RNLS: variants seen among roughly 807,000 people sequenced by gnomAD.
RNLS encodes the protein renalase, FAD dependent amine oxidase.
A neutral mutation model predicts 39.8 loss-of-function variants in RNLS; 39 were observed. That is an observed-to-expected ratio of 0.98 (90% CI 0.76 to 1.28). The LOEUF (loss-of-function observed/expected upper bound fraction) is 1.28, where lower values mean the gene tolerates loss of function less well. Ranked by LOEUF, RNLS falls within the 50% of genes most tolerant of loss-of-function variation. RNLS has a pLI of 0.00. For missense variants in RNLS, 410 were observed against 413.3 expected, an observed-to-expected ratio of 0.99 and a Z score of 0.07; for synonymous variants, 147 against 150.7, an observed-to-expected ratio of 0.98 and a Z score of 0.18.
the RNLS span, among the ~76,000 whole-genome samples, chr10:88,175,673 C>T: frequency 2.6e-5 from 4 of 152,116 alleles, no homozygotes; most frequent in Non-Finnish European, 5.9e-5. Flanking sequence ...TATGATCTAT[C>T]CTGGAGAACA....
At chr10:88,395,484 G>A (rs932920926) in intron 4 of RNLS, among the ~76,000 whole-genome samples, 3 of 151,928 alleles carry the variant, frequency 2.0e-5, no homozygotes, top group Non-Finnish European at 2.9e-5. Context: ...AGAGGGGCTC[G>A]ATAGAAGATT....
chr10:88,507,489 A>G (rs996831029), intron 4 of RNLS, among the ~76,000 whole-genome samples: 1 of 152,126 alleles, frequency 6.6e-6, no homozygotes, highest in African/African-American at 2.4e-5. Flanking sequence ...GAGCAACTGT[A>G]CTAACCATAG....
chr10:88,519,110 C>T (rs1183633895), intron 4 of RNLS, among the ~76,000 whole-genome samples: 2 of 152,052 alleles, frequency 1.3e-5, no homozygotes, highest in Admixed American at 6.6e-5. Context: ...ATTCAGAGAT[C>T]TGGGATCCTC....
chr10:88,522,850 C>T (rs896266587), intron 4 of RNLS, among the ~76,000 whole-genome samples: 7 of 152,146 alleles, frequency 4.6e-5, no homozygotes, highest in Non-Finnish European at 1.0e-4. Flanking sequence ...AGCAGCTGTT[C>T]TGTATCACTG....
rs1589712752 is a variant in RNLS at position 88,390,457 on chromosome 10, C to T, written c.527-27732G>A. On this transcript the variant is annotated intron_variant, in intron 4 of 6. Transcript: ENST00000331772. ...AGCATCCAATCCCCCAAAGTGTCTGCAAATTATTTAGTATTATTTCAGTAC... is the reference window on the plus strand; with the variant it reads ...AGCATCCAATCCCCCAAAGTGTCTGTAAATTATTTAGTATTATTTCAGTAC... Among the ~76,000 whole-genome samples the T allele has an allele frequency of 2.0e-5, 3 of 152,188 alleles. No homozygotes were observed. In the East Asian group the frequency reaches 5.8e-4, roughly 29 times the overall value.
At chr10:88,191,045 T>TC in the RNLS span, among the ~76,000 whole-genome samples, 4 of 152,214 alleles carry the variant, frequency 2.6e-5, no homozygotes, top group African/African-American at 9.6e-5. Context: ...CTCTATGGGC[T>TC]CCTCTGCTTA....
At chr10:88,432,271 C>CT (rs1322567841) in intron 4 of RNLS, among the ~76,000 whole-genome samples, 17 of 151,810 alleles carry the variant, frequency 1.1e-4, no homozygotes, top group African/African-American at 4.1e-4. Flanking sequence ...GTTTATATAG[C>CT]CACTTCAGCT....
chr10:88,526,269 A>G (rs1414345526), intron 4 of RNLS, among the ~76,000 whole-genome samples: 1 of 151,518 alleles, frequency 6.6e-6, no homozygotes, highest in African/African-American at 2.4e-5. Context: ...TACTAGATGA[A>G]TTTATGCAAA....
chr10:88,445,367 C>A (rs7907866), intron 4 of RNLS, among the ~76,000 whole-genome samples: 1 of 151,976 alleles, frequency 6.6e-6, no homozygotes, highest in Non-Finnish European at 1.5e-5. Flanking sequence ...CAAAAACATG[C>A]CAAATTGTAA....
At chr10:88,513,699 C>T (rs1846267649) in intron 4 of RNLS, among the ~76,000 whole-genome samples, 1 of 152,090 alleles carries the variant, frequency 6.6e-6, no homozygotes, top group African/African-American at 2.4e-5. Flanking sequence ...CACCTTTTCA[C>T]ACATGTATGC....
Position 88,285,477 on chromosome 10 carries a change from G to A in RNLS, c.906C>T (p.Gly302=). 6.2e-7 allele frequency: 1 copy of A among 1,613,076 alleles called. No individual in the cohort carries two copies. Among genetic ancestry groups the A allele is most frequent in the Non-Finnish European group, 8.5e-7 (1 of 1,179,370 alleles). ...QVTNAAANCP[G]QMTLHHKPFL... is the part of the protein sequence containing the mutation. ...AAGGTTTGTGATGCAGAGTCATTTGGCCAGGACAGTTGGCAGCAGCATTTG... is the reference window on the plus strand; with the variant it reads ...AAGGTTTGTGATGCAGAGTCATTTGACCAGGACAGTTGGCAGCAGCATTTG... The change falls in exon 7 of 7, where the codon GGC becomes GGT. Residue 302 remains glycine (G), a synonymous_variant. Coordinates refer to ENST00000331772, the MANE Select transcript of RNLS (RefSeq NM_001031709.3).
intron 2 of RNLS, 102 bp from the exon 3 acceptor site, chr10:88,581,811 T>G: frequency 2.7e-6 from 2 of 736,586 alleles, no homozygotes; most frequent in Non-Finnish European, 4.0e-6. Flanking sequence ...TAATTCAAAA[T>G]CAAAATTAGA....
At chr10:88,572,805 CTATCACTTGTCCTTTGCGAAGAGAGT>C (rs1849921050) in intron 4 of RNLS, 72 bp downstream of exon 4, 4 of 1,245,266 alleles carry the variant, frequency 3.2e-6, no homozygotes, top group Non-Finnish European at 4.5e-6. Flanking sequence ...TCAATAGAGT[CTATCACTTGTCCTTTGCGAAGAGAGT>C]TAAACCAAAT....
At chr10:88,582,820 G>A (rs1048869664) in intron 1 of RNLS, among the ~76,000 whole-genome samples, 1 of 152,208 alleles carries the variant, frequency 6.6e-6, no homozygotes, top group Admixed American at 6.5e-5. Flanking sequence ...CCTCTGTAGA[G>A]CGCGGGGTAC....
chr10:88,328,130 ATTCCTGGCCTCATGTGATCTG>A (rs1465702664), intron 5 of RNLS, among the ~76,000 whole-genome samples: 6 of 152,270 alleles, frequency 3.9e-5, no homozygotes, highest in African/African-American at 1.4e-4. Flanking sequence ...CTGGTCTCAA[ATTCCTGGCCTCATGTGATCTG>A]CCCAGTTCAG....
At chr10:88,242,540 CTGTT>C in the RNLS span, among the ~76,000 whole-genome samples, 1 of 152,120 alleles carries the variant, frequency 6.6e-6, no homozygotes, top group African/African-American at 2.4e-5. Context: ...AAAAAAATCT[CTGTT>C]TTTTTTCTCA....
At chr10:88,465,099 C>T (rs923699408) in intron 4 of RNLS, among the ~76,000 whole-genome samples, 3 of 152,082 alleles carry the variant, frequency 2.0e-5, no homozygotes, top group East Asian at 3.9e-4. Flanking sequence ...TAAAGCATTT[C>T]GAAGAGTGCC....
At chr10:88,578,968 T>C (rs958610143) in intron 3 of RNLS, among the ~76,000 whole-genome samples, 3 of 152,176 alleles carry the variant, frequency 2.0e-5, no homozygotes, top group African/African-American at 7.2e-5. Flanking sequence ...TGTATGTATA[T>C]ATGCATGTGT....
intron 4 of RNLS, among the ~76,000 whole-genome samples, chr10:88,565,941 G>T (rs563909319): frequency 5.9e-5 from 9 of 151,580 alleles, no homozygotes; most frequent in South Asian, 2.1e-4. Flanking sequence ...GTAGAGATGG[G>T]TTTCATCATG....
Sources: allele counts gnomAD v4.1 joint callset (sites outside exome capture counted in the v4.1 genomes callset), GRCh38; gene constraint gnomAD v4.1.1; transcripts MANE v1.5; gene names NCBI Gene and HGNC (gene_info 2026-07-23, HGNC 2026-07-21).